The following MTM1 variants were observed in gnomAD, a reference collection of about 807,000 sequenced individuals.
The protein encoded by MTM1 is myotubularin.
MTM1 carries 9 observed loss-of-function variants against 52.1 expected under a neutral mutation model. The ratio of observed to expected loss-of-function variants is 0.17; its 90% CI spans 0.10 to 0.30. The LOEUF is 0.30. MTM1 is among the 10% of genes least tolerant of loss of function. The pLI is 1.00. For missense variants in MTM1, 277 were observed against 470.7 expected (o/e 0.59, Z 3.81); for synonymous variants, 136 against 163.8 (o/e 0.83, Z 1.29).
intron 10 of MTM1, among the ~76,000 whole-genome samples, chrX:150,655,670 A>G (rs1308269701): frequency 8.9e-6 from 1 of 112,269 alleles, no homozygotes; most frequent in Admixed American, 9.5e-5. Context: ...TATCCTATTT[A>G]TGTAAAATTT....
At chrX:150,625,875 C>G (rs1221657321) in intron 6 of MTM1, among the ~76,000 whole-genome samples, 1 of 112,628 alleles carries the variant, frequency 8.9e-6, no homozygotes, top group Non-Finnish European at 1.9e-5. Context: ...CTCTTGGTAA[C>G]TCTAATTTCA....
intron 10 of MTM1, among the ~76,000 whole-genome samples, chrX:150,656,926 C>T (rs1184032493): frequency 9.0e-6 from 1 of 111,662 alleles, no homozygotes; most frequent in Non-Finnish European, 1.9e-5. Flanking sequence ...CAATGAGATA[C>T]CATCTCACAC....
intron 1 of MTM1, among the ~76,000 whole-genome samples, chrX:150,591,230 G>A (rs1220996219): frequency 1.8e-5 from 2 of 112,300 alleles, no homozygotes; most frequent in African/African-American, 6.5e-5. Flanking sequence ...TAATTTTCAA[G>A]CATCAGTGGT....
intron 3 of MTM1, 140 bp from the exon 4 acceptor site, chrX:150,598,452 A>G (rs189555264): frequency 2.7e-5 from 12 of 447,546 alleles, no homozygotes; most frequent in African/African-American, 1.2e-4. Context: ...AAACATTGCC[A>G]GTGCTTGCTT....
chrX:150,613,354 G>C (rs1170421116), intron 4 of MTM1, among the ~76,000 whole-genome samples: 1 of 111,554 alleles, frequency 9.0e-6, no homozygotes, highest in Non-Finnish European at 1.9e-5. Context: ...CACCGTGTGT[G>C]TTGTATGCTG....
At position 150,657,969 on chromosome X, in the gene MTM1, A is replaced by C. The variant is rs1358278864; in HGVS notation, c.1202A>C (p.Glu401Ala). The change falls in exon 11 of 15, where the codon GAA becomes GCA. Residue 401 changes from glutamate to alanine, a missense_variant. This residue lies in a region of MTM1 where 59 missense variants were observed against 107.8 expected (regional missense o/e 0.55). Coordinates refer to ENST00000370396, the MANE Select transcript of MTM1 (RefSeq NM_000252.3). Reference protein sequence around the residue: ...LMLDSFYRSIEGFEILVQKEW... With the variant: ...LMLDSFYRSIAGFEILVQKEW... ...TTGGATAGCTTCTATAGGAGCATTG[A>C]AGGGTTCGAAATACTGGTACAAAAA... 3.3e-6 allele frequency: 4 copies of C among 1,209,547 alleles called. No homozygotes were observed. Among genetic ancestry groups the C allele is most frequent in the African/African-American group, 1.7e-5 (1 of 57,156 alleles).
At chrX:150,585,080 A>T (rs868943219) in intron 1 of MTM1, among the ~76,000 whole-genome samples, 1 of 108,650 alleles carries the variant, frequency 9.2e-6, no homozygotes, top group African/African-American at 3.5e-5. Flanking sequence ...AGAGAGAGAG[A>T]GAGAGAAAGA....
intron 6 of MTM1, among the ~76,000 whole-genome samples, chrX:150,628,819 G>A (rs1012410873): frequency 9.3e-6 from 1 of 107,477 alleles, no homozygotes; most frequent in African/African-American, 3.4e-5. Context: ...ACCGCAGCCC[G>A]CAGGTGCATG....
intron 6 of MTM1, among the ~76,000 whole-genome samples, chrX:150,630,778 C>G (rs1557413552): frequency 9.0e-6 from 1 of 111,446 alleles, no homozygotes; most frequent in East Asian, 2.8e-4. Flanking sequence ...TAAAACCACC[C>G]CCACGTGTGG....
At chrX:150,594,497 A>AT (rs1238767705) in intron 2 of MTM1, among the ~76,000 whole-genome samples, 1 of 111,782 alleles carries the variant, frequency 8.9e-6, no homozygotes, top group Non-Finnish European at 1.9e-5. Context: ...TATTTATGGT[A>AT]TTTTGATTTT....
chrX:150,599,188 A>G (rs376176413), intron 4 of MTM1, among the ~76,000 whole-genome samples: 35 of 112,883 alleles, frequency 3.1e-4, no homozygotes, highest in African/African-American at 9.0e-4. Flanking sequence ...CAGGTGTTCA[A>G]TGATAAAGCA....
upstream of MTM1, among the ~76,000 whole-genome samples, chrX:150,568,313 A>G (rs782798469): frequency 2.2e-4 from 25 of 113,251 alleles, no homozygotes; most frequent in Non-Finnish European, 4.5e-4. Flanking sequence ...CGCCCAGTCC[A>G]ACTTCCCTTA....
chrX:150,635,439 G>A (rs1203215126), intron 6 of MTM1, among the ~76,000 whole-genome samples: 1 of 112,130 alleles, frequency 8.9e-6, no homozygotes, highest in African/African-American at 3.2e-5. Flanking sequence ...TTAATAAAGT[G>A]TTAAAGAATA....
rs1370142768 is a variant in MTM1 at position 150,671,792 on chromosome X, A to G, written c.*197A>G. 4.0e-5 allele frequency: 19 copies of G among 476,389 alleles called. No individual in the cohort carries two copies. The highest frequency in any genetic ancestry group is 6.5e-5 in the Non-Finnish European group (19 of 290,130). 39.3% of individuals were successfully genotyped at this position (476,389 alleles called of 1,213,427 possible). Reference sequence around the variant, plus strand: ...AGGGTCCACACGGCAATCAGAAGAAAGGAGCTGAGATGAGGTTTTGGAAAA... The same window carrying G: ...AGGGTCCACACGGCAATCAGAAGAAGGGAGCTGAGATGAGGTTTTGGAAAA... On this transcript the variant is annotated 3_prime_UTR_variant, in exon 15 of 15. Coordinates refer to ENST00000370396, the MANE Select transcript of MTM1 (RefSeq NM_000252.3).
At chrX:150,596,445 A>C (rs2038976250) in intron 2 of MTM1, 53 bp from the exon 3 acceptor site, 1 of 975,863 alleles carries the variant, frequency 1.0e-6, no homozygotes, top group Non-Finnish European at 1.5e-6. Flanking sequence ...GTTGCTTAAA[A>C]ACAGTGTGTA....
intron 5 of MTM1, among the ~76,000 whole-genome samples, chrX:150,618,153 A>T (rs782316695): frequency 8.9e-6 from 1 of 111,787 alleles, no homozygotes; most frequent in Non-Finnish European, 1.9e-5. Context: ...TACTACTAAT[A>T]TGGGCTACTT....
intron 10 of MTM1, among the ~76,000 whole-genome samples, chrX:150,650,944 C>G (rs1240322735): frequency 9.0e-6 from 1 of 111,517 alleles, no homozygotes; most frequent in Non-Finnish European, 1.9e-5. Flanking sequence ...TCACTTATGC[C>G]TGTTTCTGGG....
intron 1 of MTM1, among the ~76,000 whole-genome samples, chrX:150,572,442 C>G (rs1346347923): frequency 1.8e-5 from 2 of 112,205 alleles, no homozygotes; most frequent in African/African-American, 6.5e-5. Context: ...TGTGGCCTCT[C>G]TGCCTCAATC....
chrX:150,608,684 CTAGTACACAA>C (rs2039216159), intron 4 of MTM1, among the ~76,000 whole-genome samples: 1 of 111,480 alleles, frequency 9.0e-6, no homozygotes, highest in Non-Finnish European at 1.9e-5. Context: ...CAGCAATTTT[CTAGTACACAA>C]TAGTTGTTAG....
Sources: gnomAD v4.1 joint callset for allele counts (sites outside exome capture counted in the v4.1 genomes callset) on GRCh38, gnomAD v4.1.1 for gene constraint, gnomAD v4.1.1 regional missense constraint, MANE v1.5 for transcripts, NCBI Gene and HGNC (gene_info 2026-07-23, HGNC 2026-07-21) for gene names.